Variants in CTDSPL observed in about 807,000 individuals in gnomAD.
CTDSPL encodes CTD small phosphatase like.
A neutral mutation model predicts 30.5 loss-of-function variants in CTDSPL; 8 were observed. The observed-to-expected ratio is 0.26, with a 90% confidence interval of 0.15 to 0.47. The LOEUF (loss-of-function observed/expected upper bound fraction) is 0.47, where lower values mean the gene tolerates loss of function less well. Ranked by LOEUF, CTDSPL falls within the 20% of genes least tolerant of loss-of-function variation. The pLI is 0.99. For synonymous variants in CTDSPL, 110 were observed against 137.9 expected (o/e 0.80, Z 1.42); for missense variants, 248 against 366.1 (o/e 0.68, Z 2.63).
chr3:37,982,017 A>T lies in CTDSPL; in HGVS notation c.*1150A>T. On this transcript the variant is annotated 3_prime_UTR_variant, in exon 8 of 8. Transcript: ENST00000273179. ...TCCCATTGCAGCCTCCACCACCTGT[A>T]ACCCCTTCCTGGCATTGGCCACTGA... is the stretch of plus-strand genomic sequence containing the variant. The T allele has an allele frequency of 2.5e-6, 1 of 407,492 alleles. No individual in the cohort carries two copies. Among genetic ancestry groups the T allele is most frequent in the South Asian group, 1.8e-5 (1 of 56,794 alleles). 25.2% of individuals were successfully genotyped at this position (407,492 alleles called of 1,614,324 possible).
chr3:37,943,557 C>T lies in CTDSPL; in HGVS notation c.80-3500C>T, dbSNP rs111698200. ...ATCGTTACGGAATATTTTAGACTGA[C>T]GTTCATAGTTGCTACTCCCTCCTTT... On this transcript the variant is annotated intron_variant, in intron 1 of 7. Coordinates refer to ENST00000273179, the MANE Select transcript of CTDSPL (RefSeq NM_001008392.2). 9.8e-4 allele frequency among the ~76,000 whole-genome samples: 148 copies of T among 150,430 alleles called. 1 individual carries two copies. The highest frequency in any genetic ancestry group is 3.5e-3 in the African/African-American group (144 of 41,392).
In CTDSPL at chr3:37,979,896, C is replaced by T. The variant is rs113300897; in HGVS notation, c.706-846C>T. Reference sequence around the variant, plus strand: ...ATTATATAACACATTTACATGGTTCCGACATCAAAACTATAAATAAAGACA... The same window carrying T: ...ATTATATAACACATTTACATGGTTCTGACATCAAAACTATAAATAAAGACA... On this transcript the variant is annotated intron_variant, in intron 7 of 7. Transcript: ENST00000273179. Among the ~76,000 whole-genome samples, 192 of 152,130 alleles carry T rather than the reference C, an allele frequency of 1.3e-3. 1 individual carries two copies. Among genetic ancestry groups the T allele is most frequent in the East Asian group, 9.1e-3 (47 of 5,182 alleles).
At chr3:37,874,210 C>T (rs1698107609) in intron 1 of CTDSPL, among the ~76,000 whole-genome samples, 1 of 152,218 alleles carries the variant, frequency 6.6e-6, no homozygotes, top group South Asian at 2.1e-4. Flanking sequence ...TTAACTGTAG[C>T]ATCCCAGGTT....
chr3:37,953,136 T>G lies in CTDSPL; in HGVS notation c.235-3975T>G, dbSNP rs75619947. ...ACAATTTATATTCTTTTTATCTTACTAATCCTTCAAAATCTGATGTGTATT... is the reference window on the plus strand; with the variant it reads ...ACAATTTATATTCTTTTTATCTTACGAATCCTTCAAAATCTGATGTGTATT... On this transcript the variant is annotated intron_variant, in intron 2 of 7. Coordinates refer to ENST00000273179, the MANE Select transcript of CTDSPL (RefSeq NM_001008392.2). Among the ~76,000 whole-genome samples the G allele has an allele frequency of 9.0e-3, 1,366 of 152,352 alleles. 31 individuals are homozygous for G. The highest frequency in any genetic ancestry group is 0.078 in the South Asian group (375 of 4,828).
intron 1 of CTDSPL, among the ~76,000 whole-genome samples, chr3:37,884,420 A>G (rs1472008470): frequency 6.6e-6 from 1 of 152,240 alleles, no homozygotes; most frequent in Non-Finnish European, 1.5e-5. Context: ...GCAGTTATCT[A>G]TGAGTGGTAG....
intron 3 of CTDSPL, among the ~76,000 whole-genome samples, chr3:37,960,646 C>A (rs1424056560): frequency 6.7e-6 from 1 of 149,828 alleles, no homozygotes; most frequent in Admixed American, 6.7e-5. Context: ...AGGAGAATCA[C>A]GTGAACCCGG....
In CTDSPL at chr3:37,959,581, A is replaced by C. The variant is rs148364655; in HGVS notation, c.267+2438A>C. ...CAAGATGCCTTGAACATCTTTCCAA[A>C]TATTAGTAGGTATATATCTGCCTCA... On this transcript the variant is annotated intron_variant, in intron 3 of 7. Transcript: ENST00000273179. Among the ~76,000 whole-genome samples the C allele has an allele frequency of 2.4e-4, 37 of 152,322 alleles. No individual in the cohort carries two copies. The East Asian group carries it at 6.6e-3, about 27-fold the overall frequency.
chr3:37,948,808 CTTTTT>C (rs71635858), intron 2 of CTDSPL, among the ~76,000 whole-genome samples: 187 of 108,138 alleles, frequency 1.7e-3, no homozygotes, highest in African/African-American at 7.1e-3. Flanking sequence ...TTCCAGCTTT[CTTTTT>C]TTTTTTTTTT....
At chr3:37,901,529 A>G (rs979365027) in intron 1 of CTDSPL, among the ~76,000 whole-genome samples, 3 of 152,244 alleles carry the variant, frequency 2.0e-5, no homozygotes, top group Non-Finnish European at 4.4e-5. Flanking sequence ...CAGATGAGCA[A>G]TTAGTGGCTT....
chr3:37,873,806 A>C (rs1471766193), intron 1 of CTDSPL, among the ~76,000 whole-genome samples: 1 of 152,244 alleles, frequency 6.6e-6, no homozygotes, highest in Non-Finnish European at 1.5e-5. Flanking sequence ...AAGATAATTC[A>C]CTGTGAAATC....
chr3:37,903,984 A>G (rs1269914839), intron 1 of CTDSPL, among the ~76,000 whole-genome samples: 2 of 152,198 alleles, frequency 1.3e-5, no homozygotes, highest in East Asian at 3.9e-4. Flanking sequence ...GCAGAAAATA[A>G]CCAAGATGGC....
intron 1 of CTDSPL, among the ~76,000 whole-genome samples, chr3:37,937,647 G>A (rs1370525995): frequency 3.3e-5 from 5 of 150,406 alleles, no homozygotes; most frequent in African/African-American, 1.2e-4. Context: ...ATGGAATGAG[G>A]CACTGAACTA....
rs955205951 is a variant in CTDSPL, at chr3:37,971,294, G to T, written c.427-113G>T. ...CCTCTGCCTGCTATGCATAGACCTGGGGGAGGGAGGCAGGAACCTTTGTAG... is the reference window on the plus strand; with the variant it reads ...CCTCTGCCTGCTATGCATAGACCTGTGGGAGGGAGGCAGGAACCTTTGTAG... On this transcript the variant is annotated intron_variant, in intron 5 of 7. Coordinates refer to ENST00000273179, the MANE Select transcript of CTDSPL (RefSeq NM_001008392.2). 4 of 876,118 alleles carry T rather than the reference G, an allele frequency of 4.6e-6. No homozygotes were observed. In the African/African-American group the frequency reaches 5.0e-5, roughly 11 times the overall value. The allele number at this position is 876,118 out of a possible 1,614,324, so 54.3% of individuals were successfully genotyped here.
At chr3:37,889,176 CTT>C (rs1475798569) in intron 1 of CTDSPL, among the ~76,000 whole-genome samples, 1 of 152,164 alleles carries the variant, frequency 6.6e-6, no homozygotes, top group African/African-American at 2.4e-5. Flanking sequence ...CTAGCTGTAA[CTT>C]TTATTTATTC....
chr3:37,897,759 G>A (rs1377834883), intron 1 of CTDSPL, among the ~76,000 whole-genome samples: 1 of 152,078 alleles, frequency 6.6e-6, no homozygotes, highest in Non-Finnish European at 1.5e-5. Context: ...AAGTGAGAAA[G>A]GACTGATAAG....
At chr3:37,864,613 CTA>C (rs970464907) in intron 1 of CTDSPL, among the ~76,000 whole-genome samples, 30 of 152,120 alleles carry the variant, frequency 2.0e-4, no homozygotes, top group Non-Finnish European at 3.4e-4. Flanking sequence ...GCAATAAACT[CTA>C]GAGTCAAATG....
chr3:37,974,761 AG>A (rs1259548907), intron 6 of CTDSPL, among the ~76,000 whole-genome samples: 2 of 152,124 alleles, frequency 1.3e-5, no homozygotes, highest in African/African-American at 4.8e-5. Flanking sequence ...CATCTATGGG[AG>A]TGGACGGCTG....
chr3:37,898,864 A>G (rs1278922932), intron 1 of CTDSPL, among the ~76,000 whole-genome samples: 1 of 152,228 alleles, frequency 6.6e-6, no homozygotes, highest in African/African-American at 2.4e-5. Flanking sequence ...ATGTGTGGTC[A>G]GAGAAGCCTC....
At chr3:37,906,213 C>T (rs1232984623) in intron 1 of CTDSPL, among the ~76,000 whole-genome samples, 1 of 152,112 alleles carries the variant, frequency 6.6e-6, no homozygotes, top group Non-Finnish European at 1.5e-5. Flanking sequence ...AACAGGAGAT[C>T]GGAGGAAGTA....
Sources: gnomAD v4.1 joint callset for allele counts (sites outside exome capture counted in the v4.1 genomes callset) on GRCh38, gnomAD v4.1.1 for gene constraint, MANE v1.5 for transcripts, NCBI Gene and HGNC (gene_info 2026-07-23, HGNC 2026-07-21) for gene names.